Variants in MME observed in about 807,000 individuals in gnomAD.
The protein encoded by MME is membrane metalloendopeptidase.
MME carries 98 observed loss-of-function variants against 113.2 expected under a neutral mutation model. That is an observed-to-expected ratio of 0.87 (90% confidence interval 0.74 to 1.02). The LOEUF is 1.02. Among genes scored for constraint, MME ranks in the 50% least tolerant of loss-of-function variants. The probability of loss-of-function intolerance (pLI) is 0.00; values close to 1 mark genes in which losing one functional copy is unlikely to be tolerated. For missense variants in MME, 836 were observed against 896.0 expected (o/e 0.93, Z 0.86); for synonymous variants, 292 against 300.6 (o/e 0.97, Z 0.30).
intron 20 of MME, among the ~76,000 whole-genome samples, chr3:155,170,786 G>T (rs1711846941): frequency 6.6e-6 from 1 of 151,926 alleles, no homozygotes. Context: ...TCAACTCAAG[G>T]AGTACCCCCA....
intron 8 of MME, among the ~76,000 whole-genome samples, chr3:155,125,618 G>C (rs1055810986): frequency 6.6e-6 from 1 of 151,354 alleles, no homozygotes. Context: ...CCGCCACCGC[G>C]CCCAGCTAAT....
chr3:155,031,157 C>T lies in MME; in HGVS notation c.-11+6833C>T, dbSNP rs76007476. Among the ~76,000 whole-genome samples, 820 of 152,146 alleles carry T rather than the reference C, an allele frequency of 5.4e-3. 4 individuals are homozygous for T. Among genetic ancestry groups the T allele is most frequent in the African/African-American group, 0.019 (793 of 41,506 alleles). ...CCCTTGAATGTTAACATTTTACAGA[C>T]ATGTTAAGCTTTACATCTTTAAGAG... On this transcript the variant is annotated intron_variant, in intron 1 of 22. Coordinates refer to the MME transcript ENST00000492661.
upstream of MME, among the ~76,000 whole-genome samples, chr3:155,076,305 G>A (rs890762611): frequency 1.3e-5 from 2 of 152,142 alleles, no homozygotes; most frequent in Non-Finnish European, 2.9e-5. Flanking sequence ...GTGAGGAGTC[G>A]GAGTTGGGGC....
chr3:155,180,234 TTTTAAG>T lies in MME; in HGVS notation c.2154-120_2154-115del, dbSNP rs1454832828. On this transcript the variant is annotated intron_variant, in intron 22 of 22. Coordinates refer to ENST00000360490, the MANE Select transcript of MME (RefSeq NM_007289.4). ...GGCACTGACTCATTGTACCAGGTTA[TTTTAAG>T]TTTAACTTTAAATTCCAAATTCATT... 1.7e-5 allele frequency: 13 copies of T among 779,320 alleles called. No homozygotes were observed. In the African/African-American group the frequency reaches 1.9e-4, roughly 11 times the overall value. The allele number at this position is 779,320 out of a possible 1,614,324, so 48.3% of individuals were successfully genotyped here.
At chr3:155,177,497 A>G (rs1183114656) in intron 22 of MME, among the ~76,000 whole-genome samples, 1 of 152,190 alleles carries the variant, frequency 6.6e-6, no homozygotes, top group Non-Finnish European at 1.5e-5. Flanking sequence ...CTACATAAAC[A>G]GTCACTTTTG....
intron 17 of MME, among the ~76,000 whole-genome samples, chr3:155,165,723 T>A (rs184216515): frequency 6.6e-6 from 1 of 152,274 alleles, no homozygotes; most frequent in East Asian, 1.9e-4. Context: ...ACAGTAATAC[T>A]GACAGGAGAA....
rs556135568 is a variant in MME at position 155,174,171 on chromosome 3, G to A, written c.2153+1559G>A. Reference sequence around the variant, plus strand: ...TAACTGATCAGCAGTTAAGTAAAACGTACATAAGTATATAACTGTTTTCTA... The same window carrying A: ...TAACTGATCAGCAGTTAAGTAAAACATACATAAGTATATAACTGTTTTCTA... On this transcript the variant is annotated intron_variant, in intron 22 of 22. Coordinates refer to ENST00000360490, the MANE Select transcript of MME (RefSeq NM_007289.4). Among the ~76,000 whole-genome samples the A allele has an allele frequency of 7.2e-5, 11 of 152,112 alleles. 1 individual carries two copies. Among genetic ancestry groups the A allele is most frequent in the East Asian group, 5.8e-4 (3 of 5,182 alleles).
At chr3:155,086,109 G>GGCAGGT (rs112899010) in intron 3 of MME, among the ~76,000 whole-genome samples, 4 of 152,262 alleles carry the variant, frequency 2.6e-5, no homozygotes, top group African/African-American at 9.6e-5. Flanking sequence ...AAGGAGGGCA[G>GGCAGGT]GCAGGTGGGG....
intron 19 of MME, 37 bp downstream of exon 19, chr3:155,168,662 T>C (rs1442311298): frequency 1.2e-6 from 2 of 1,613,482 alleles, no homozygotes; most frequent in Admixed American, 1.7e-5. Context: ...GTTTTAGACA[T>C]GTTCAATCTT....
chr3:155,067,224 C>G (rs530362160), intron 1 of MME, among the ~76,000 whole-genome samples: 35 of 145,540 alleles, frequency 2.4e-4, no homozygotes, highest in Non-Finnish European at 3.8e-4. Context: ...AAAAACACCT[C>G]TCATTCAAAG....
At chr3:155,047,495 G>A (rs373486734) in intron 1 of MME, among the ~76,000 whole-genome samples, 1 of 152,104 alleles carries the variant, frequency 6.6e-6, no homozygotes, top group South Asian at 2.1e-4. Flanking sequence ...ATGCATAATA[G>A]TACTTATCAC....
chr3:155,037,030 A>G (rs1713150628), intron 1 of MME, among the ~76,000 whole-genome samples: 1 of 152,276 alleles, frequency 6.6e-6, no homozygotes, highest in Non-Finnish European at 1.5e-5. Context: ...AAGTCCTTTG[A>G]CCATAGATGT....
chr3:155,176,387 C>T (rs1266097122), intron 22 of MME, among the ~76,000 whole-genome samples: 1 of 152,160 alleles, frequency 6.6e-6, no homozygotes, highest in African/African-American at 2.4e-5. Context: ...GCTTTATTAT[C>T]TTCTGTTATT....
chr3:155,178,120 G>A (rs568368452), intron 22 of MME, among the ~76,000 whole-genome samples: 1 of 152,132 alleles, frequency 6.6e-6, no homozygotes, highest in Non-Finnish European at 1.5e-5. Context: ...TCTTGGGAAG[G>A]CCAATCATCT....
chr3:155,062,336 T>G (rs1357975627), intron 1 of MME, among the ~76,000 whole-genome samples: 2 of 152,212 alleles, frequency 1.3e-5, no homozygotes, highest in African/African-American at 4.8e-5. Flanking sequence ...ATCTTTATCC[T>G]TCAAAAACAT....
intron 3 of MME, among the ~76,000 whole-genome samples, chr3:155,109,691 A>G (rs532199258): frequency 1.6e-4 from 24 of 152,222 alleles, no homozygotes; most frequent in Admixed American, 3.9e-4. Context: ...CCTTAAAAAA[A>G]TGTCTGGACC....
intron 8 of MME, among the ~76,000 whole-genome samples, chr3:155,133,039 T>TAAAAAAA (rs796968290): frequency 8.3e-5 from 4 of 48,020 alleles, no homozygotes; most frequent in Non-Finnish European, 1.1e-4. Flanking sequence ...AAACCCCGTC[T>TAAAAAAA]AAAAAAAAAA....
intron 2 of MME, among the ~76,000 whole-genome samples, chr3:155,084,691 A>G (rs1344419697): frequency 6.6e-6 from 1 of 152,210 alleles, no homozygotes; most frequent in East Asian, 1.9e-4. Context: ...CAGGAATTTA[A>G]CAAATTTAAT....
upstream of MME, among the ~76,000 whole-genome samples, chr3:155,077,408 C>T: frequency 6.6e-6 from 1 of 152,256 alleles, no homozygotes; most frequent in South Asian, 2.1e-4. Context: ...TCTTGGACCA[C>T]CTCAGTAAGC....
Sources: gnomAD v4.1 joint callset for allele counts (sites outside exome capture counted in the v4.1 genomes callset) on GRCh38, gnomAD v4.1.1 for gene constraint, MANE v1.5 for transcripts, NCBI Gene and HGNC (gene_info 2026-07-23, HGNC 2026-07-21) for gene names.